The following PRUNE2 variants were observed in gnomAD, a reference collection of about 807,000 sequenced individuals.
PRUNE2 encodes the protein protein prune homolog 2.
A neutral mutation model predicts 252.0 loss-of-function variants in PRUNE2; 164 were observed. That is an observed-to-expected ratio of 0.65 (90% confidence interval 0.57 to 0.74). The LOEUF (loss-of-function observed/expected upper bound fraction) is 0.74. PRUNE2 is among the 30% of genes least tolerant of loss of function. PRUNE2 has a pLI of 0.00. For missense variants in PRUNE2, 3,495 were observed against 3,711.0 expected (o/e 0.94, Z 1.51); for synonymous variants, 1,292 against 1,350.2 (o/e 0.96, Z 0.94).
intron 6 of PRUNE2, among the ~76,000 whole-genome samples, chr9:76,794,632 A>AAAAAG (rs1554773258): frequency 8.2e-6 from 1 of 122,608 alleles, no homozygotes; most frequent in African/African-American, 4.1e-5. Flanking sequence ...AAAAAAAAAG[A>AAAAAG]AAAGAAAAGA....
chr9:76,824,907 G>C lies in PRUNE2; in HGVS notation c.662-1181C>G, dbSNP rs576410114. On this transcript the variant is annotated intron_variant, in intron 5 of 18. Coordinates refer to ENST00000376718, the MANE Select transcript of PRUNE2 (RefSeq NM_015225.3). Reference sequence around the variant, plus strand: ...GAAGACATTGTGACATTAAAAGTTTGGTGTCATTGTGAAAATGAATGACAA... The same window carrying C: ...GAAGACATTGTGACATTAAAAGTTTCGTGTCATTGTGAAAATGAATGACAA... Among the ~76,000 whole-genome samples the C allele has an allele frequency of 8.5e-5, 13 of 152,304 alleles. No homozygotes were observed. In the Middle Eastern group the frequency reaches 0.017, roughly 199 times the overall value.
chr9:76,852,064 G>A (rs559889499), intron 2 of PRUNE2, among the ~76,000 whole-genome samples: 6 of 152,136 alleles, frequency 3.9e-5, no homozygotes, highest in Admixed American at 6.5e-5. Context: ...AGAAGGCAGG[G>A]CTTTTTGATG....
intron 1 of PRUNE2, among the ~76,000 whole-genome samples, chr9:76,900,911 A>C (rs2063132316): frequency 6.6e-6 from 1 of 152,160 alleles, no homozygotes; most frequent in South Asian, 2.1e-4. Context: ...AAATTATGTT[A>C]ATATCTGCCC....
chr9:76,715,126 C>T (rs2047033888), intron 6 of PRUNE2, among the ~76,000 whole-genome samples: 1 of 152,222 alleles, frequency 6.6e-6, no homozygotes, highest in Non-Finnish European at 1.5e-5. Context: ...AAGTGCCACA[C>T]ACATCTCCTA....
chr9:76,622,063 T>C (rs1232838538), intron 17 of PRUNE2, among the ~76,000 whole-genome samples: 1 of 152,158 alleles, frequency 6.6e-6, no homozygotes, highest in Non-Finnish European at 1.5e-5. Context: ...ATTTCGTGTT[T>C]TACCATGTGC....
At chr9:76,788,365 T>C (rs1311852136) in intron 6 of PRUNE2, 2 of 738,716 alleles carry the variant, frequency 2.7e-6, no homozygotes, top group African/African-American at 1.7e-5. Context: ...ATAGTTATTA[T>C]ATATACTGGA....
chr9:76,714,240 G>C (rs1371551602), intron 6 of PRUNE2, among the ~76,000 whole-genome samples: 2 of 152,072 alleles, frequency 1.3e-5, no homozygotes, highest in Admixed American at 6.6e-5. Flanking sequence ...ATTTTTAAAA[G>C]AGCTGTGATG....
At chr9:76,755,983 G>C (rs1036020980) in intron 6 of PRUNE2, among the ~76,000 whole-genome samples, 3 of 152,164 alleles carry the variant, frequency 2.0e-5, no homozygotes, top group Non-Finnish European at 4.4e-5. Context: ...GACTATAGGC[G>C]TGAGCCACCG....
chr9:76,725,926 G>C (rs972824581), intron 6 of PRUNE2, among the ~76,000 whole-genome samples: 2 of 152,236 alleles, frequency 1.3e-5, no homozygotes, highest in Admixed American at 6.5e-5. Context: ...TTTAAGTAGA[G>C]AAAGAAGTCA....
chr9:76,644,613 T>C, intron 12 of PRUNE2, 126 bp downstream of exon 12: 1 of 859,692 alleles, frequency 1.2e-6, no homozygotes. Context: ...TATAGTTCCC[T>C]GAATATTGGC....
intron 11 of PRUNE2, 41 bp from the exon 12 acceptor site, chr9:76,644,950 A>G: frequency 6.3e-7 from 1 of 1,581,346 alleles, no homozygotes; most frequent in Non-Finnish European, 8.6e-7. Flanking sequence ...AAGGAGCAAG[A>G]CCTCCACAGT....
chr9:76,708,061 C>A lies in PRUNE2; in HGVS notation c.4213G>T (p.Glu1405Ter), dbSNP rs1237378964. Reference sequence around the variant, plus strand: ...CGGGAGTCTAGATTGTAAGACCCCTCCTCATACTCTAAAACTTCCTCTGGT... The same window carrying A: ...CGGGAGTCTAGATTGTAAGACCCCTACTCATACTCTAAAACTTCCTCTGGT... Reference protein sequence around the residue: ...EEPEEVLEYEEGSYNLDSRDV... With the variant: ...EEPEEVLEYE The change falls in exon 8 of 19, where the codon GAG becomes TAG. Residue 1405 changes from glutamate to a stop codon, truncating the protein, a stop_gained. Coordinates refer to ENST00000376718, the MANE Select transcript of PRUNE2 (RefSeq NM_015225.3). LOFTEE classifies it high-confidence loss of function. 2 of 1,613,872 alleles carry A rather than the reference C, an allele frequency of 1.2e-6. No homozygotes were observed. The highest frequency in any genetic ancestry group is 1.7e-6 in the Non-Finnish European group (2 of 1,179,900).
At chr9:76,811,326 T>G (rs1161964312) in intron 6 of PRUNE2, among the ~76,000 whole-genome samples, 5 of 152,218 alleles carry the variant, frequency 3.3e-5, no homozygotes, top group Admixed American at 6.5e-5. Context: ...TCACATATAT[T>G]TTGTAAAAAG....
intron 9 of PRUNE2, among the ~76,000 whole-genome samples, chr9:76,703,000 C>T (rs2046014583): frequency 6.6e-6 from 1 of 152,102 alleles, no homozygotes; most frequent in Non-Finnish European, 1.5e-5. Flanking sequence ...CTGCCTTGCA[C>T]ATAGTAGGTG....
Position 76,705,406 on chromosome 9 carries a change from T to G in PRUNE2, c.6868A>C (p.Thr2290Pro). Residue 2290 changes from threonine (T) to proline (P), a missense_variant, in exon 8 of 19, where the codon ACT becomes CCT. Thr to Pro is a conservative substitution (Grantham distance 38). Transcript: ENST00000376718. The part of the protein sequence containing the change: ...LVPDALLASD[T>P]CLDISEAAFD... ...GCAGCTTCGCTTATATCCAGACAAG[T>G]GTCTGAGGCTAGCAAAGCATCAGGA... The G allele has an allele frequency of 6.2e-7, 1 of 1,613,952 alleles. No homozygotes were observed. The highest frequency in any genetic ancestry group is 8.5e-7 in the Non-Finnish European group (1 of 1,179,870).
chr9:76,683,978 C>T (rs979332706), intron 9 of PRUNE2, among the ~76,000 whole-genome samples: 8 of 151,006 alleles, frequency 5.3e-5, no homozygotes, highest in African/African-American at 1.7e-4. Context: ...TACACACACA[C>T]GAATATATAT....
At chr9:76,687,713 G>A in intron 9 of PRUNE2, 1 of 285,302 alleles carries the variant, frequency 3.5e-6, no homozygotes. Flanking sequence ...AGCCTCGGGG[G>A]AGGCTGTATT....
intron 1 of PRUNE2, among the ~76,000 whole-genome samples, chr9:76,889,406 G>A (rs1016146300): frequency 1.3e-5 from 2 of 151,306 alleles, no homozygotes; most frequent in African/African-American, 2.4e-5. Context: ...CTACAACCTC[G>A]ACCTCCTAGG....
chr9:76,901,999 ATC>A (rs2063205241), intron 1 of PRUNE2, among the ~76,000 whole-genome samples: 2 of 152,052 alleles, frequency 1.3e-5, no homozygotes, highest in South Asian at 4.2e-4. Flanking sequence ...GGCTGCGGTG[ATC>A]TCCACCCATT....
Sources: gnomAD v4.1 joint callset for allele counts (sites outside exome capture counted in the v4.1 genomes callset) on GRCh38, gnomAD v4.1.1 for gene constraint, MANE v1.5 for transcripts, NCBI Gene and HGNC (gene_info 2026-07-23, HGNC 2026-07-21) for gene names.